PCDH15: variants seen among roughly 807,000 people sequenced by gnomAD.
PCDH15 encodes the protein protocadherin-15.
Under a neutral mutation model 178.5 loss-of-function variants are expected in PCDH15, and 129 were observed. The observed-to-expected ratio is 0.72, with a 90% CI of 0.63 to 0.84. The LOEUF is 0.84. PCDH15 is among the 40% of genes least tolerant of loss of function. The pLI is 0.00. For missense variants in PCDH15, 2,230 were observed against 2,099.9 expected (o/e 1.06, Z -1.21); for synonymous variants, 800 against 732.0 (o/e 1.09, Z -1.50).
At chr10:54,943,060 G>T (rs1390076001) in intron 2 of PCDH15, among the ~76,000 whole-genome samples, 1 of 151,954 alleles carries the variant, frequency 6.6e-6, no homozygotes, top group Non-Finnish European at 1.5e-5. Flanking sequence ...CTTATTGCTG[G>T]TGTAAGAAAT....
intron 7 of PCDH15, among the ~76,000 whole-genome samples, chr10:54,327,375 G>T (rs1018400347): frequency 6.6e-6 from 1 of 150,400 alleles, no homozygotes. Context: ...TCTGCTCTAT[G>T]TTACATGACA....
chr10:55,215,228 A>C (rs1004331527), intron 1 of PCDH15, among the ~76,000 whole-genome samples: 16 of 152,096 alleles, frequency 1.1e-4, no homozygotes, highest in Non-Finnish European at 2.1e-4. Context: ...TAAAACTTTA[A>C]CTTGTTGACT....
chr10:53,875,334 C>T (rs572992016), intron 26 of PCDH15, among the ~76,000 whole-genome samples: 4 of 151,160 alleles, frequency 2.6e-5, no homozygotes, highest in African/African-American at 7.3e-5. Context: ...TTAGTAATGG[C>T]ATAAATAATT....
At chr10:55,072,946 A>G (rs1455874801) in intron 2 of PCDH15, among the ~76,000 whole-genome samples, 1 of 151,644 alleles carries the variant, frequency 6.6e-6, no homozygotes, top group Non-Finnish European at 1.5e-5. Flanking sequence ...GGTTCAATAT[A>G]CGCAAATCAA....
intron 8 of PCDH15, among the ~76,000 whole-genome samples, chr10:54,294,801 A>T (rs1473434442): frequency 6.6e-6 from 1 of 151,892 alleles, no homozygotes; most frequent in South Asian, 2.1e-4. Flanking sequence ...AAAAGTAAAC[A>T]CTCCTAATTT....
At chr10:54,162,842 C>T (rs1429442266) in intron 13 of PCDH15, among the ~76,000 whole-genome samples, 3 of 151,996 alleles carry the variant, frequency 2.0e-5, no homozygotes, top group Non-Finnish European at 4.4e-5. Context: ...TGGCTGGCAG[C>T]CATAGCTTAT....
intron 1 of PCDH15, among the ~76,000 whole-genome samples, chr10:55,297,108 C>T (rs1279815990): frequency 6.6e-6 from 1 of 151,122 alleles, no homozygotes; most frequent in African/African-American, 2.4e-5. Flanking sequence ...TTACATATTT[C>T]AATGGGGGAA....
chr10:54,420,253 C>T (rs1346433968), intron 3 of PCDH15, among the ~76,000 whole-genome samples: 2 of 152,038 alleles, frequency 1.3e-5, no homozygotes, highest in African/African-American at 4.8e-5. Flanking sequence ...ATAGTTCCTT[C>T]CTAACTTCCC....
intron 15 of PCDH15, among the ~76,000 whole-genome samples, 187 bp from the exon 16 acceptor site, chr10:54,090,250 T>C (rs542085213): frequency 1.3e-5 from 2 of 152,228 alleles, no homozygotes; most frequent in Non-Finnish European, 2.9e-5. Flanking sequence ...TTTCTGAATA[T>C]GTAATCCTAC....
chr10:54,679,022 C>G (rs1788918992), intron 1 of PCDH15, among the ~76,000 whole-genome samples: 1 of 151,490 alleles, frequency 6.6e-6, no homozygotes, highest in Non-Finnish European at 1.5e-5. Context: ...AACCCCGTTT[C>G]TACTAAAAAT....
intron 2 of PCDH15, among the ~76,000 whole-genome samples, chr10:54,540,392 C>T (rs1051562691): frequency 3.2e-4 from 48 of 152,048 alleles, no homozygotes; most frequent in African/African-American, 9.7e-4. Flanking sequence ...TGTGTTCACA[C>T]AAACTAGAAA....
chr10:53,907,521 G>A (rs2133724972), intron 25 of PCDH15, among the ~76,000 whole-genome samples: 1 of 152,280 alleles, frequency 6.6e-6, no homozygotes, highest in East Asian at 1.9e-4. Context: ...TATTTGGAAA[G>A]TGTTTTGGTT....
At chr10:54,654,652 G>A (rs1345560240) in intron 2 of PCDH15, among the ~76,000 whole-genome samples, 1 of 152,138 alleles carries the variant, frequency 6.6e-6, no homozygotes, top group South Asian at 2.1e-4. Flanking sequence ...ACTCTATTAT[G>A]AATTGTATAA....
chr10:53,829,789 A>T (rs939874085), intron 30 of PCDH15, among the ~76,000 whole-genome samples: 1 of 152,156 alleles, frequency 6.6e-6, no homozygotes, highest in Non-Finnish European at 1.5e-5. Context: ...AGCCCTAGTT[A>T]TACTCTTGGC....
At chr10:53,966,788 T>C (rs1385008219) in intron 21 of PCDH15, among the ~76,000 whole-genome samples, 1 of 151,724 alleles carries the variant, frequency 6.6e-6, no homozygotes, top group African/African-American at 2.4e-5. Flanking sequence ...TGTATAAAAC[T>C]CACCCTTATT....
chr10:54,313,660 T>G lies in PCDH15; in HGVS notation c.876+3611A>C, dbSNP rs531927658. Among the ~76,000 whole-genome samples the G allele has an allele frequency of 1.6e-4, 23 of 145,150 alleles. No individual in the cohort carries two copies. The South Asian group carries it at 4.2e-3, about 27-fold the overall frequency. ...CTTAAACTGTCTACCAGAAACGTTT[T>G]TGTGTATATTCAACACATGCAACCA... is the stretch of plus-strand genomic sequence containing the variant. On this transcript the variant is annotated intron_variant, in intron 8 of 37. Coordinates refer to ENST00000644397, the MANE Select transcript of PCDH15 (RefSeq NM_001384140.1).
chr10:54,600,413 A>C (rs61855864), intron 2 of PCDH15: 71,204 of 570,316 alleles, frequency 0.12, 5,247 homozygotes, highest in Non-Finnish European at 0.16. Flanking sequence ...GAAGAGGAGT[A>C]AGACATTGTC....
rs913542857 is a variant in PCDH15 at position 54,518,946 on chromosome 10, T to A, written c.157+8866A>T. On this transcript the variant is annotated intron_variant, in intron 3 of 37. Transcript: ENST00000644397. ...AAATGTAATCCAGCATATAAACAGA[T>A]CCAAAGACAAAAATCACATGATTAT... is the stretch of plus-strand genomic sequence containing the variant. 1.4e-3 allele frequency among the ~76,000 whole-genome samples: 217 copies of A among 152,080 alleles called. 1 individual carries two copies. The highest frequency in any genetic ancestry group is 2.9e-3 in the Admixed American group (45 of 15,256).
At chr10:55,127,728 TAGAC>T (rs1441075727) in intron 2 of PCDH15, among the ~76,000 whole-genome samples, 1 of 152,046 alleles carries the variant, frequency 6.6e-6, no homozygotes, top group Non-Finnish European at 1.5e-5. Context: ...GAAAATCAAT[TAGAC>T]AGTTATGATT....
Sources: gnomAD v4.1 joint callset for allele counts (sites outside exome capture counted in the v4.1 genomes callset) on GRCh38, gnomAD v4.1.1 for gene constraint, MANE v1.5 for transcripts, NCBI Gene and HGNC (gene_info 2026-07-23, HGNC 2026-07-21) for gene names.